BMP8A: variants seen among roughly 807,000 people sequenced by gnomAD.
The protein encoded by BMP8A is bone morphogenetic protein 8a.
BMP8A carries 14 observed loss-of-function variants against 36.8 expected under a neutral mutation model. The observed-to-expected ratio is 0.38, with a 90% CI of 0.25 to 0.60. The LOEUF (loss-of-function observed/expected upper bound fraction) is 0.60. BMP8A is among the 20% of genes least tolerant of loss of function. The pLI is 0.63. For missense variants in BMP8A, 267 were observed against 551.1 expected, an observed-to-expected ratio of 0.48 and a Z score of 5.16; for synonymous variants, 120 against 237.7, an observed-to-expected ratio of 0.50 and a Z score of 4.55.
At position 39,493,194 on chromosome 1, in the gene BMP8A, C is replaced by T. The variant is rs562333577; in HGVS notation, c.334+869C>T. The stretch of plus-strand genomic sequence containing the variant: ...CTGGGAGCCAAGGACCACAGCTCAG[C>T]CCGAAGTGGGGGAGCTGTGGGGCTG... On this transcript the variant is annotated intron_variant, in intron 1 of 6. Transcript: ENST00000331593. Among the ~76,000 whole-genome samples the T allele has an allele frequency of 9.2e-5, 14 of 152,316 alleles. No individual in the cohort carries two copies. The East Asian group carries it at 2.7e-3, about 29-fold the overall frequency.
At position 39,529,694 on chromosome 1, in the gene BMP8A, C is replaced by T. The variant is rs1645516616; in HGVS notation, c.*3896C>T. On this transcript the variant is annotated 3_prime_UTR_variant, in exon 7 of 7. Transcript: ENST00000331593. ...ATCAATCACAGAGATAACCACTGTTCATAATTCCTTCCAGTCTTCTTACTT... is the reference window on the plus strand; with the variant it reads ...ATCAATCACAGAGATAACCACTGTTTATAATTCCTTCCAGTCTTCTTACTT... 2.0e-5 allele frequency among the ~76,000 whole-genome samples: 3 copies of T among 152,226 alleles called. No homozygotes were observed. Among genetic ancestry groups the T allele is most frequent in the Non-Finnish European group, 4.4e-5 (3 of 68,032 alleles).
At chr1:39,497,318 C>G (rs1378256807) in intron 1 of BMP8A, among the ~76,000 whole-genome samples, 1 of 152,178 alleles carries the variant, frequency 6.6e-6, no homozygotes, top group Non-Finnish European at 1.5e-5. Flanking sequence ...ACTCAGTTTC[C>G]ACACCTTTGA....
At chr1:39,506,271 G>A (rs1253757941) in intron 1 of BMP8A, among the ~76,000 whole-genome samples, 8 of 152,078 alleles carry the variant, frequency 5.3e-5, no homozygotes, top group South Asian at 2.1e-4. Flanking sequence ...GTGCAGTGGC[G>A]CAATCTTGGC....
At chr1:39,496,401 G>A (rs1354744088) in intron 1 of BMP8A, among the ~76,000 whole-genome samples, 1 of 149,908 alleles carries the variant, frequency 6.7e-6, no homozygotes, top group East Asian at 1.9e-4. Flanking sequence ...GGGCTAGATT[G>A]GGGGTTTCTG....
intron 1 of BMP8A, among the ~76,000 whole-genome samples, chr1:39,503,874 G>C (rs996081477): frequency 6.6e-6 from 1 of 152,122 alleles, no homozygotes; most frequent in Non-Finnish European, 1.5e-5. Flanking sequence ...TTGGAAGGTT[G>C]TGGCTGCAGT....
At position 39,523,071 on chromosome 1, in the gene BMP8A, T is replaced by C. The variant is rs1250220793; in HGVS notation, c.1013T>C (p.Leu338Pro). The C allele has an allele frequency of 6.2e-7, 1 of 1,614,044 alleles. No individual in the cohort carries two copies. Among genetic ancestry groups the C allele is most frequent in the Admixed American group, 1.7e-5 (1 of 60,008 alleles). The change falls in exon 6 of 7, where the codon CTG becomes CCG. Residue 338 changes from leucine (L) to proline (P), a missense_variant. By Grantham distance (98) the Leu-to-Pro change is moderately conservative. Transcript: ENST00000331593. ...YYCEGECSFP[L>P]DSCMNATNHA... Reference sequence around the variant, plus strand: ...TGTGAGGGGGAGTGCTCCTTCCCGCTGGACTCCTGCATGAACGCCACCAAC... The same window carrying C: ...TGTGAGGGGGAGTGCTCCTTCCCGCCGGACTCCTGCATGAACGCCACCAAC...
chr1:39,516,606 T>TC, intron 3 of BMP8A: 1 of 529,618 alleles, frequency 1.9e-6, no homozygotes, highest in South Asian at 2.3e-5. Context: ...CCTACTTTCC[T>TC]CCCTAGGTGG....
At position 39,525,696 on chromosome 1, in the gene BMP8A, C is replaced by A; in HGVS notation, c.1107C>A (p.Pro369=). ...PNAVPKACCA[P]TKLSATSVLY... is the part of the protein sequence containing the mutation. ...CAGTCCCCAAGGCGTGCTGTGCACC[C>A]ACCAAGCTGAGCGCCACCTCTGTGC... Residue 369 remains proline, a synonymous_variant, in exon 7 of 7, where the codon CCC becomes CCA. Transcript: ENST00000331593. The A allele has an allele frequency of 6.2e-7, 1 of 1,614,088 alleles. No individual in the cohort carries two copies. Among genetic ancestry groups the A allele is most frequent in the Non-Finnish European group, 8.5e-7 (1 of 1,180,010 alleles).
Position 39,526,232 on chromosome 1 carries a change from C to G in BMP8A, c.*434C>G, listed in dbSNP as rs527904515. ...CCATTTCTGGGCAAAATTGGACACGCTTATGTTCTCAGCACAGTGTGTTCT... is the reference window on the plus strand; with the variant it reads ...CCATTTCTGGGCAAAATTGGACACGGTTATGTTCTCAGCACAGTGTGTTCT... On this transcript the variant is annotated 3_prime_UTR_variant, in exon 7 of 7. Transcript: ENST00000331593. Among the ~76,000 whole-genome samples, 36 of 152,276 alleles carry G rather than the reference C, an allele frequency of 2.4e-4. No individual in the cohort carries two copies. Among genetic ancestry groups the G allele is most frequent in the Admixed American group, 2.3e-3 (35 of 15,304 alleles).
chr1:39,511,129 C>T lies in BMP8A; in HGVS notation c.335-45C>T, dbSNP rs2124356459. The T allele has an allele frequency of 4.9e-6, 7 of 1,430,070 alleles. No homozygotes were observed. The South Asian group carries it at 9.0e-5, about 18-fold the overall frequency. 88.6% of individuals were successfully genotyped at this position (1,430,070 alleles called of 1,614,324 possible). A position where few individuals can be genotyped will look rare whatever the true frequency, so the allele number is the denominator to read the frequency against. On this transcript the variant is annotated intron_variant, in intron 1 of 6. Transcript: ENST00000331593. ...CACACCAGCTCTGCCCCCTCCAGAG[C>T]CCGAGCCATTCTGAGTGCCAGCCCA...
chr1:39,517,806 TGA>T (rs1198132884), intron 3 of BMP8A, among the ~76,000 whole-genome samples: 1 of 152,262 alleles, frequency 6.6e-6, no homozygotes, highest in Non-Finnish European at 1.5e-5. Context: ...TGGGAGAGAC[TGA>T]GAGGGGAGAG....
intron 6 of BMP8A, chr1:39,523,806 C>G: frequency 1.1e-6 from 1 of 917,948 alleles, no homozygotes; most frequent in Non-Finnish European, 1.5e-6. Flanking sequence ...GAAGTTTTTA[C>G]CTAGAATCCC....
At chr1:39,523,925 T>G (rs1401452581) in intron 6 of BMP8A, 1 of 210,254 alleles carries the variant, frequency 4.8e-6, no homozygotes, top group Non-Finnish European at 9.4e-6. Flanking sequence ...AGCCCAGAAG[T>G]TCAAGACAAG....
rs1318364713 is a variant in BMP8A at position 39,526,650 on chromosome 1, T to C, written c.*852T>C. Among the ~76,000 whole-genome samples, 6 of 152,182 alleles carry C rather than the reference T, an allele frequency of 3.9e-5. No homozygotes were observed. In the South Asian group the frequency reaches 1.0e-3, roughly 26 times the overall value. On this transcript the variant is annotated 3_prime_UTR_variant, in exon 7 of 7. Transcript: ENST00000331593. ...ACCGTGCCTGGCCACTGGGGATATT[T>C]TATGTCATGTGTATTCCCTTGCCCT...
In BMP8A at chr1:39,492,072, C is replaced by G; in HGVS notation, c.81C>G (p.Pro27=). The change falls in exon 1 of 7, where the codon CCC becomes CCG. Residue 27 remains proline (P), a synonymous_variant. Transcript: ENST00000331593. ...GCGGGGGCGGCCCCGGCCTGCGACC[C>G]CCGCCCGGCTGTCCCCAGCGACGTC... The part of the protein sequence containing the change: ...ALGGGGPGLR[P]PPGCPQRRLG... 8.9e-7 allele frequency: 1 copy of G among 1,123,802 alleles called. No homozygotes were observed. The highest frequency in any genetic ancestry group is 1.1e-6 in the Non-Finnish European group (1 of 921,216). 69.6% of individuals were successfully genotyped at this position (1,123,802 alleles called of 1,614,324 possible). A position where few individuals can be genotyped will look rare whatever the true frequency, so the allele number is the denominator to read the frequency against.
chr1:39,518,174 T>A (rs1359129506), intron 3 of BMP8A, among the ~76,000 whole-genome samples: 1 of 152,082 alleles, frequency 6.6e-6, no homozygotes, highest in East Asian at 1.9e-4. Context: ...ATGCACTGCA[T>A]AAGTGTAGCT....
In BMP8A at chr1:39,528,838, T is replaced by A. The variant is rs2124392231; in HGVS notation, c.*3040T>A. Reference sequence around the variant, plus strand: ...CCCACTTCAGCCCGAGTTGCTGGGATGACAGGCACACGCCACCATACCCAG... The same window carrying A: ...CCCACTTCAGCCCGAGTTGCTGGGAAGACAGGCACACGCCACCATACCCAG... On this transcript the variant is annotated 3_prime_UTR_variant, in exon 7 of 7. Transcript: ENST00000331593. Among the ~76,000 whole-genome samples, 1 of 151,898 alleles carries A rather than the reference T, an allele frequency of 6.6e-6. No individual in the cohort carries two copies. Among genetic ancestry groups the A allele is most frequent in the Middle Eastern group, 3.4e-3 (1 of 292 alleles).
At chr1:39,496,353 C>T (rs1253984017) in intron 1 of BMP8A, among the ~76,000 whole-genome samples, 19 of 150,002 alleles carry the variant, frequency 1.3e-4, no homozygotes, top group Admixed American at 1.1e-3. Context: ...AACGCCCCAT[C>T]GGGAAACAGG....
Position 39,524,280 on chromosome 1 carries a change from C to T in BMP8A, c.1059+1163C>T, listed in dbSNP as rs1557696204. On this transcript the variant is annotated intron_variant, in intron 6 of 6. Coordinates refer to ENST00000331593, the MANE Select transcript of BMP8A (RefSeq NM_181809.4). This position sits in a 1 kb window ranked among gnomAD's most constrained non-coding sequence, Gnocchi z 4.0. ...GGACTCCATCTCCTCTGCCCTTGCC[C>T]CTGCCCCTCAGGGGCTCAACTAGAG... 6.6e-6 allele frequency among the ~76,000 whole-genome samples: 1 copy of T among 152,100 alleles called. No homozygotes were observed. Among genetic ancestry groups the T allele is most frequent in the Non-Finnish European group, 1.5e-5 (1 of 68,018 alleles).
Sources: allele counts gnomAD v4.1 joint callset (sites outside exome capture counted in the v4.1 genomes callset), GRCh38; gene constraint gnomAD v4.1.1; non-coding constraint Gnocchi (gnomAD v3.1); transcripts MANE v1.5; gene names NCBI Gene and HGNC (gene_info 2026-07-23, HGNC 2026-07-21).